ZC3H12B: variants seen among roughly 807,000 people sequenced by gnomAD.
The protein encoded by ZC3H12B is zinc finger CCCH-type containing 12B.
In ZC3H12B, 7 loss-of-function variants were observed where a neutral mutation model predicts 43.9. The observed-to-expected ratio is 0.16, with a 90% CI of 0.09 to 0.30. ZC3H12B has a LOEUF of 0.30. Among genes scored for constraint, ZC3H12B ranks in the 10% least tolerant of loss-of-function variants. The pLI is 1.00. For missense variants in ZC3H12B, 475 were observed against 670.2 expected, an observed-to-expected ratio of 0.71 and a Z score of 3.22; for synonymous variants, 222 against 241.7, an observed-to-expected ratio of 0.92 and a Z score of 0.76.
At chrX:65,319,729 C>T in the ZC3H12B span, among the ~76,000 whole-genome samples, 1 of 111,249 alleles carries the variant, frequency 9.0e-6, no homozygotes, top group Non-Finnish European at 1.9e-5. Flanking sequence ...TCCACCTTGA[C>T]CAAGTGTGCC....
chrX:65,457,684 A>T (rs1186032438), intron 3 of ZC3H12B, among the ~76,000 whole-genome samples: 1 of 70,300 alleles, frequency 1.4e-5, no homozygotes, highest in Non-Finnish European at 2.2e-5. Context: ...TGTGGATAGA[A>T]GTAGACATGG....
the ZC3H12B span, among the ~76,000 whole-genome samples, chrX:65,240,284 T>C: frequency 6.3e-5 from 7 of 111,889 alleles, no homozygotes; most frequent in Admixed American, 3.8e-4. Flanking sequence ...TAATTTTTTT[T>C]CCCTTTTTGT....
chrX:65,145,703 G>A, the ZC3H12B span, among the ~76,000 whole-genome samples: 3 of 111,057 alleles, frequency 2.7e-5, no homozygotes, highest in Non-Finnish European at 5.7e-5. Context: ...CTTAGCATTT[G>A]TTTGTCTGAA....
exon 5 of ZC3H12B, chrX:65,502,381 T>A: frequency 8.3e-7 from 1 of 1,211,231 alleles, no homozygotes; most frequent in Non-Finnish European, 1.1e-6. Context: ...ACAGCATGCA[T>A]AACCGAGAGT....
the ZC3H12B span, among the ~76,000 whole-genome samples, chrX:65,275,337 G>A: frequency 8.9e-6 from 1 of 112,901 alleles, no homozygotes; most frequent in East Asian, 2.8e-4. Flanking sequence ...TGCCAGAACT[G>A]AGAAACAGCC....
the ZC3H12B span, among the ~76,000 whole-genome samples, chrX:65,059,894 C>T: frequency 9.8e-5 from 11 of 111,822 alleles, no homozygotes; most frequent in African/African-American, 3.6e-4. Context: ...TCTTCAATTT[C>T]TTTCATCAGT....
chrX:65,042,653 A>C, the ZC3H12B span, among the ~76,000 whole-genome samples: 1 of 112,323 alleles, frequency 8.9e-6, no homozygotes, highest in South Asian at 3.6e-4. Context: ...TGTACTTTAC[A>C]CATAATTTGT....
intron 2 of ZC3H12B, among the ~76,000 whole-genome samples, chrX:65,397,466 G>T (rs867012688): frequency 8.1e-5 from 9 of 111,328 alleles, no homozygotes; most frequent in Non-Finnish European, 1.7e-4. Flanking sequence ...ACTTAGTTTG[G>T]CTGGATATGA....
chrX:65,389,763 C>G lies in ZC3H12B; in HGVS notation n.296-8830C>G, dbSNP rs187677311. On this transcript the variant is annotated intron_variant and non_coding_transcript_variant, in intron 2 of 5. Transcript: ENST00000617377. ...GTAGACTGGAGCTGTTCCTATTCGG[C>G]CATCTTGGCTCCACGCCCAATAGGA... Among the ~76,000 whole-genome samples the G allele has an allele frequency of 1.8e-3, 199 of 112,432 alleles. 2 individuals carry two copies. Among genetic ancestry groups the G allele is most frequent in the African/African-American group, 4.7e-3 (147 of 30,955 alleles).
At chrX:65,121,617 A>AT in the ZC3H12B span, among the ~76,000 whole-genome samples, 1 of 111,016 alleles carries the variant, frequency 9.0e-6, no homozygotes, top group African/African-American at 3.3e-5. Flanking sequence ...GGATTCATTG[A>AT]TTTTTTGAAG....
chrX:65,122,825 G>T, the ZC3H12B span, among the ~76,000 whole-genome samples: 4 of 111,514 alleles, frequency 3.6e-5, no homozygotes, highest in Non-Finnish European at 7.5e-5. Context: ...AATTCAACAG[G>T]AAGAGCTAAC....
At chrX:65,161,650 G>A in the ZC3H12B span, among the ~76,000 whole-genome samples, 28 of 111,754 alleles carry the variant, frequency 2.5e-4, no homozygotes, top group Non-Finnish European at 4.3e-4. Flanking sequence ...TTGAGTCTAT[G>A]TGTGTCTCTG....
the ZC3H12B span, among the ~76,000 whole-genome samples, chrX:65,252,885 G>A: frequency 9.0e-6 from 1 of 111,628 alleles, no homozygotes; most frequent in Admixed American, 9.5e-5. Context: ...ATTATATTGT[G>A]GTTGACATTA....
the ZC3H12B span, among the ~76,000 whole-genome samples, chrX:65,121,658 G>A: frequency 1.8e-5 from 2 of 111,040 alleles, no homozygotes; most frequent in Admixed American, 1.9e-4. Context: ...CTTCATTTCT[G>A]CTGTGATCTT....
intron 3 of ZC3H12B, among the ~76,000 whole-genome samples, chrX:65,403,310 A>G (rs1049139388): frequency 2.7e-5 from 3 of 111,575 alleles, no homozygotes; most frequent in Non-Finnish European, 5.6e-5. Flanking sequence ...AAAACAGTAA[A>G]GCATGCCTAC....
chrX:65,384,793 G>A (rs187691210), intron 2 of ZC3H12B, among the ~76,000 whole-genome samples: 318 of 112,287 alleles, frequency 2.8e-3, no homozygotes, highest in Admixed American at 4.9e-3. Context: ...GACACAGACA[G>A]ACTGAAGATA....
At chrX:65,166,609 C>T in the ZC3H12B span, among the ~76,000 whole-genome samples, 15,940 of 111,264 alleles carry the variant, frequency 0.14, 2,731 homozygotes, top group African/African-American at 0.49. Context: ...AGATCCTTGA[C>T]GAATCACCAC....
At chrX:65,053,539 G>C in the ZC3H12B span, among the ~76,000 whole-genome samples, 1 of 111,535 alleles carries the variant, frequency 9.0e-6, no homozygotes, top group African/African-American at 3.3e-5. Flanking sequence ...CCAAGTCTTT[G>C]CTATTGTGAA....
chrX:65,423,776 C>A (rs1241780193), intron 3 of ZC3H12B, among the ~76,000 whole-genome samples: 4 of 111,644 alleles, frequency 3.6e-5, no homozygotes, highest in Admixed American at 2.8e-4. Context: ...GGATAGATTG[C>A]AAAAATTTTC....
Sources: allele counts gnomAD v4.1 joint callset (sites outside exome capture counted in the v4.1 genomes callset), GRCh38; gene constraint gnomAD v4.1.1; transcripts MANE v1.5; gene names NCBI Gene and HGNC (gene_info 2026-07-23, HGNC 2026-07-21).